Variants in NRXN3 observed in about 807,000 individuals in gnomAD.
The protein encoded by NRXN3 is neurexin 3.
Under a neutral mutation model 137.6 loss-of-function variants are expected in NRXN3, and 32 were observed. The observed-to-expected ratio is 0.23, with a 90% CI of 0.18 to 0.31. The LOEUF (loss-of-function observed/expected upper bound fraction) is 0.31, where lower values mean the gene tolerates loss of function less well. Among genes scored for constraint, NRXN3 ranks in the 10% least tolerant of loss-of-function variants. The probability of loss-of-function intolerance (pLI) is 1.00; values close to 1 mark genes in which losing one functional copy is unlikely to be tolerated. For missense variants in NRXN3, 1,574 were observed against 2,062.5 expected (o/e 0.76, Z 4.59); for synonymous variants, 798 against 784.5 (o/e 1.02, Z -0.29).
At chr14:79,000,379 G>T (rs2099539008) in intron 15 of NRXN3, among the ~76,000 whole-genome samples, 1 of 152,136 alleles carries the variant, frequency 6.6e-6, no homozygotes, top group Non-Finnish European at 1.5e-5. Context: ...GCTTTCGGTT[G>T]CATCTTAGTC....
intron 15 of NRXN3, among the ~76,000 whole-genome samples, chr14:79,189,101 G>A (rs1249202778): frequency 5.9e-5 from 9 of 151,566 alleles, no homozygotes; most frequent in African/African-American, 9.7e-5. Context: ...TGTTTATTGC[G>A]GCACTATTCA....
chr14:78,172,339 G>A (rs2058802265), intron 1 of NRXN3, among the ~76,000 whole-genome samples: 1 of 152,068 alleles, frequency 6.6e-6, no homozygotes, highest in South Asian at 2.1e-4. Flanking sequence ...TTCCTTCATC[G>A]TTCAAGGGCT....
chr14:78,372,955 G>A (rs979728863), intron 4 of NRXN3, among the ~76,000 whole-genome samples: 1 of 152,188 alleles, frequency 6.6e-6, no homozygotes, highest in Admixed American at 6.5e-5. Context: ...AACGTAGGTA[G>A]AATAATGAAG....
chr14:79,845,820 C>T (rs1279867203), intron 20 of NRXN3, among the ~76,000 whole-genome samples: 2 of 23,904 alleles, frequency 8.4e-5, no homozygotes, highest in Admixed American at 5.8e-4. Context: ...GAGAGGGAGA[C>T]GGGGAGAGAG....
At chr14:78,806,943 GTA>G (rs2098875037) in intron 9 of NRXN3, among the ~76,000 whole-genome samples, 1 of 152,156 alleles carries the variant, frequency 6.6e-6, no homozygotes, top group Non-Finnish European at 1.5e-5. Context: ...TTACAGATGT[GTA>G]GCACAGAGAG....
chr14:79,136,713 C>T (rs759941688), intron 15 of NRXN3, among the ~76,000 whole-genome samples: 9 of 152,148 alleles, frequency 5.9e-5, no homozygotes, highest in Admixed American at 2.6e-4. Flanking sequence ...TAAATACAAA[C>T]GTTAGAGTCA....
At chr14:78,582,491 C>A (rs1457574181) in intron 4 of NRXN3, among the ~76,000 whole-genome samples, 3 of 152,058 alleles carry the variant, frequency 2.0e-5, no homozygotes, top group Admixed American at 2.0e-4. Context: ...GAGATGGGAC[C>A]CTTAAGAGGT....
intron 18 of NRXN3, among the ~76,000 whole-genome samples, chr14:79,694,286 A>T (rs1465677694): frequency 6.6e-6 from 1 of 151,898 alleles, no homozygotes. Context: ...GGGTGTTCTG[A>T]GGTTTAATTA....
intron 16 of NRXN3, among the ~76,000 whole-genome samples, chr14:79,527,398 G>A (rs1375346758): frequency 1.3e-5 from 2 of 151,348 alleles, no homozygotes; most frequent in Non-Finnish European, 2.9e-5. Flanking sequence ...ATCCCAAAAT[G>A]ATGAGGAGAT....
chr14:79,776,797 G>A (rs748053833), intron 19 of NRXN3, among the ~76,000 whole-genome samples: 102 of 152,144 alleles, frequency 6.7e-4, no homozygotes, highest in Non-Finnish European at 1.3e-3. Context: ...ATGTACTGGG[G>A]AGCCCAGGAG....
At chr14:78,950,308 G>A (rs1167547759) in intron 10 of NRXN3, among the ~76,000 whole-genome samples, 1 of 152,084 alleles carries the variant, frequency 6.6e-6, no homozygotes, top group Admixed American at 6.5e-5. Context: ...TAAATTTATG[G>A]CTTGAGGTAG....
chr14:78,280,940 G>A (rs2074326046), intron 3 of NRXN3, among the ~76,000 whole-genome samples: 2 of 152,308 alleles, frequency 1.3e-5, no homozygotes, highest in Admixed American at 6.5e-5. Context: ...TGTTGAGGAA[G>A]TTGGGGCCCA....
chr14:78,479,841 G>A (rs2095442664), intron 4 of NRXN3, among the ~76,000 whole-genome samples: 2 of 152,110 alleles, frequency 1.3e-5, no homozygotes, highest in Admixed American at 6.6e-5. Context: ...AGGAATATCA[G>A]TAGTCAAATT....
intron 15 of NRXN3, among the ~76,000 whole-genome samples, chr14:79,339,613 A>C (rs192183879): frequency 1.6e-4 from 24 of 152,294 alleles, no homozygotes; most frequent in Admixed American, 1.1e-3. Flanking sequence ...AGATGTAATG[A>C]ATTAGAATTG....
chr14:79,834,861 A>C (rs959165), intron 20 of NRXN3, among the ~76,000 whole-genome samples: 138,148 of 152,100 alleles, frequency 0.91, 62,761 homozygotes, highest in East Asian at 0.95. Flanking sequence ...TTTATTTCAA[A>C]AGCAAGAGTG....
chr14:78,715,590 G>T (rs1479565729), intron 8 of NRXN3, among the ~76,000 whole-genome samples: 3 of 152,238 alleles, frequency 2.0e-5, no homozygotes, highest in South Asian at 2.1e-4. Flanking sequence ...GGAATATTTA[G>T]CCATTAAATA....
intron 16 of NRXN3, among the ~76,000 whole-genome samples, chr14:79,539,773 T>C (rs1349506345): frequency 6.6e-6 from 1 of 152,194 alleles, no homozygotes; most frequent in Non-Finnish European, 1.5e-5. Context: ...TAAAGCCACT[T>C]ATAGGAGACA....
chr14:78,243,643 T>C lies in NRXN3; in HGVS notation c.550T>C (p.Ser184Pro). 3 of 1,598,382 alleles carry C rather than the reference T, an allele frequency of 1.9e-6. No individual in the cohort carries two copies. Among genetic ancestry groups the C allele is most frequent in the Non-Finnish European group, 2.5e-6 (3 of 1,179,800 alleles). ...GLILDLKYGN[S>P]EPRLLGSRGV... Reference sequence around the variant, plus strand: ...AATTCTGGATCTCAAGTATGGAAACTCGGAGCCTCGGCTTCTGGGGAGCCG... The same window carrying C: ...AATTCTGGATCTCAAGTATGGAAACCCGGAGCCTCGGCTTCTGGGGAGCCG... Residue 184 changes from serine to proline, a missense_variant, in exon 2 of 21, where the codon TCG becomes CCG. Transcript: ENST00000335750. This position sits in a 1 kb window ranked among gnomAD's most constrained non-coding sequence, Gnocchi z 4.2.
chr14:78,781,640 A>C (rs377071860), intron 8 of NRXN3, among the ~76,000 whole-genome samples: 34 of 152,348 alleles, frequency 2.2e-4, no homozygotes, highest in African/African-American at 7.9e-4. Context: ...AGAAAATGTC[A>C]AAATTGTGAA....
Sources: allele counts gnomAD v4.1 joint callset (sites outside exome capture counted in the v4.1 genomes callset), GRCh38; gene constraint gnomAD v4.1.1; non-coding constraint Gnocchi (gnomAD v3.1); transcripts MANE v1.5; gene names NCBI Gene and HGNC (gene_info 2026-07-23, HGNC 2026-07-21).